MTMR10: variants seen among roughly 807,000 people sequenced by gnomAD.
The protein encoded by MTMR10 is myotubularin related protein 10, also known as myotubularin-related protein 10.
A neutral mutation model predicts 88.1 loss-of-function variants in MTMR10; 56 were observed. That is an observed-to-expected ratio of 0.64 (90% CI 0.51 to 0.79). The LOEUF (loss-of-function observed/expected upper bound fraction) is 0.79. Ranked by LOEUF, MTMR10 falls within the 30% of genes least tolerant of loss-of-function variation. The pLI, the probability that MTMR10 is intolerant of heterozygous loss-of-function variation, is 0.00. For missense variants in MTMR10, 883 were observed against 924.7 expected (o/e 0.95, Z 0.58); for synonymous variants, 380 against 340.9 (o/e 1.11, Z -1.26).
At chr15:30,967,844 G>C in intron 6 of MTMR10, 76 bp downstream of exon 6, 2 of 1,214,008 alleles carry the variant, frequency 1.6e-6, no homozygotes, top group Admixed American at 2.1e-5. Context: ...TCATGTACTT[G>C]GAGGCTTCCG....
At chr15:30,933,495 T>A in the MTMR10 span, among the ~76,000 whole-genome samples, 4 of 152,360 alleles carry the variant, frequency 2.6e-5, no homozygotes, top group African/African-American at 9.6e-5. Flanking sequence ...ATATTTTGTA[T>A]GATTTGAATC....
chr15:30,932,273 G>C, the MTMR10 span, among the ~76,000 whole-genome samples: 3 of 148,026 alleles, frequency 2.0e-5, no homozygotes, highest in African/African-American at 7.4e-5. Flanking sequence ...GAATTCCTTT[G>C]AATCTGTAGA....
chr15:30,969,032 A>T (rs1377036467), intron 5 of MTMR10, among the ~76,000 whole-genome samples: 2 of 150,316 alleles, frequency 1.3e-5, no homozygotes, highest in Non-Finnish European at 3.0e-5. Context: ...TAAAGCGTTA[A>T]GTTAAGGCAG....
intron 2 of MTMR10, among the ~76,000 whole-genome samples, chr15:30,987,808 G>A (rs1371606586): frequency 6.6e-6 from 1 of 151,760 alleles, no homozygotes; most frequent in Non-Finnish European, 1.5e-5. Context: ...GGATGACGCC[G>A]GGAATTTCAA....
chr15:30,959,418 TC>T (rs1156508852), intron 7 of MTMR10, among the ~76,000 whole-genome samples: 1 of 152,196 alleles, frequency 6.6e-6, no homozygotes, highest in African/African-American at 2.4e-5. Context: ...GAAAAATATA[TC>T]CACCTTTGTT....
Position 30,974,953 on chromosome 15 carries a change from T to C in MTMR10, c.309A>G (p.Thr103=), listed in dbSNP as rs948496911. Residue 103 remains threonine, a synonymous_variant, in exon 4 of 16, where the codon ACA becomes ACG. Coordinates refer to ENST00000435680, the MANE Select transcript of MTMR10 (RefSeq NM_017762.3). The part of the protein sequence containing the change: ...LLLGEHDVPL[T]CIEQIVTVND... ...TACCTGTGACAATTTGCTCAATACA[T>C]GTTAAAGGGACATCGTGTTCACCAA... The C allele has an allele frequency of 1.9e-5, 30 of 1,577,178 alleles. No individual in the cohort carries two copies. Among genetic ancestry groups the C allele is most frequent in the Non-Finnish European group, 2.3e-5 (27 of 1,159,450 alleles).
chr15:30,979,679 C>T (rs931483843), intron 2 of MTMR10, among the ~76,000 whole-genome samples: 4 of 152,188 alleles, frequency 2.6e-5, no homozygotes, highest in Admixed American at 2.0e-4. Flanking sequence ...TGTGGCCACA[C>T]TAGTACCATA....
chr15:30,988,502 A>C (rs1409544659), intron 2 of MTMR10, among the ~76,000 whole-genome samples: 1 of 98,872 alleles, frequency 1.0e-5, no homozygotes, highest in African/African-American at 5.7e-5. Context: ...AATTTCTCTA[A>C]AAATAATACG....
At position 30,943,041 on chromosome 15, in the gene MTMR10, C is replaced by A. The variant is rs2063105324; in HGVS notation, c.1580G>T (p.Gly527Val). The A allele has an allele frequency of 1.3e-6, 2 of 1,542,182 alleles. No homozygotes were observed. Among genetic ancestry groups the A allele is most frequent in the East Asian group, 4.9e-5 (2 of 40,910 alleles). The change falls in exon 15 of 16, where the codon GGT becomes GTT. Residue 527 changes from glycine to valine, a missense_variant. By Grantham distance (109) the Gly-to-Val change is moderately radical. Around this residue, in one of 3 missense-constraint regions of MTMR10, gnomAD observed 343 missense variants for 323.2 expected, o/e 1.06. Coordinates refer to ENST00000435680, the MANE Select transcript of MTMR10 (RefSeq NM_017762.3). Reference sequence around the variant, plus strand: ...GGGGAATTTTAAGCCCTTCTCATCACCCAATTGGATGTTTTTGCTTATAGC... The same window carrying A: ...GGGGAATTTTAAGCCCTTCTCATCAACCAATTGGATGTTTTTGCTTATAGC... ...EFAISKNIQL[G>V]DEKGLKFPSV...
chr15:30,961,256 C>T (rs1322346427), intron 6 of MTMR10, among the ~76,000 whole-genome samples, 183 bp from the exon 7 acceptor site: 9 of 149,298 alleles, frequency 6.0e-5, no homozygotes, highest in Non-Finnish European at 7.4e-5. Flanking sequence ...TTTTTTTTGA[C>T]GGAGTCTCGT....
chr15:30,927,925 A>G, the MTMR10 span: 2 of 985,752 alleles, frequency 2.0e-6, no homozygotes, highest in Non-Finnish European at 2.4e-6. Flanking sequence ...CCAGTCAGTA[A>G]AACATTTGTG....
chr15:30,974,912 T>C lies in MTMR10; in HGVS notation c.331+19A>G. The C allele has an allele frequency of 6.9e-7, 1 of 1,451,794 alleles. No homozygotes were observed. The highest frequency in any genetic ancestry group is 9.3e-7 in the Non-Finnish European group (1 of 1,074,174). 89.9% of individuals were successfully genotyped at this position (1,451,794 alleles called of 1,614,324 possible). A position where few individuals can be genotyped will look rare whatever the true frequency, so the allele number is the denominator to read the frequency against. On this transcript the variant is annotated intron_variant, in intron 4 of 15. Transcript: ENST00000435680. Reference sequence around the variant, plus strand: ...CAGAGTGGAATTGACTTTTAGAGTATGTACGGAATACTACGTACCTGTGAC... The same window carrying C: ...CAGAGTGGAATTGACTTTTAGAGTACGTACGGAATACTACGTACCTGTGAC...
chr15:30,988,511 C>T (rs111962085), intron 2 of MTMR10, among the ~76,000 whole-genome samples: 3,600 of 100,622 alleles, frequency 0.036, 138 homozygotes, highest in African/African-American at 0.16. Context: ...AAAAATAATA[C>T]GGAATTTAGC....
intron 13 of MTMR10, among the ~76,000 whole-genome samples, chr15:30,947,520 C>G (rs1441687083): frequency 6.6e-6 from 1 of 152,182 alleles, no homozygotes; most frequent in Non-Finnish European, 1.5e-5. Context: ...GTACATGTAA[C>G]AAGTTGAAAC....
chr15:30,975,447 G>A (rs1364917582), intron 3 of MTMR10, among the ~76,000 whole-genome samples: 2 of 141,430 alleles, frequency 1.4e-5, no homozygotes, highest in Non-Finnish European at 3.2e-5. Flanking sequence ...TAAGGACGTA[G>A]TTAACACTAT....
At chr15:30,986,569 A>G (rs1005716795) in intron 2 of MTMR10, among the ~76,000 whole-genome samples, 3 of 152,238 alleles carry the variant, frequency 2.0e-5, no homozygotes, top group African/African-American at 7.2e-5. Flanking sequence ...CAAAAAAAGT[A>G]TCTATTCCAA....
In MTMR10 at chr15:30,940,158, A is replaced by G. The variant is rs531062587; in HGVS notation, c.*1312T>C. 1 of 985,464 alleles carries G rather than the reference A, an allele frequency of 1.0e-6. No homozygotes were observed. Among genetic ancestry groups the G allele is most frequent in the Non-Finnish European group, 1.2e-6 (1 of 829,938 alleles). The allele number at this position is 985,464 out of a possible 1,614,324, so 61.0% of individuals were successfully genotyped here. On this transcript the variant is annotated 3_prime_UTR_variant, in exon 16 of 16. Transcript: ENST00000435680. ...GAAACAGTCAAATTTGAAAGTATCC[A>G]TGTTTTAAGCGGGGAATGAGGAGTG...
chr15:30,952,557 G>A (rs548946443), intron 11 of MTMR10, among the ~76,000 whole-genome samples: 1 of 151,344 alleles, frequency 6.6e-6, no homozygotes, highest in East Asian at 2.0e-4. Flanking sequence ...GTGGAGATGG[G>A]CATCTCACTA....
At chr15:30,975,148 A>C (rs1042034601) in intron 3 of MTMR10, 145 bp from the exon 4 acceptor site, 8 of 577,332 alleles carry the variant, frequency 1.4e-5, no homozygotes, top group Admixed American at 3.5e-5. Context: ...GGCCATTCCA[A>C]TGTTGACAGA....
Sources: allele counts gnomAD v4.1 joint callset (sites outside exome capture counted in the v4.1 genomes callset), GRCh38; gene constraint gnomAD v4.1.1; regional missense constraint gnomAD v4.1.1; transcripts MANE v1.5; gene names NCBI Gene and HGNC (gene_info 2026-07-23, HGNC 2026-07-21).